The following SNRNP27 variants were observed in gnomAD, a reference collection of about 807,000 sequenced individuals.
The protein encoded by SNRNP27 is small nuclear ribonucleoprotein U4/U6.U5 subunit 27.
In SNRNP27, 22 loss-of-function variants were observed where a neutral mutation model predicts 25.1. The ratio of observed to expected loss-of-function variants is 0.88; its 90% CI spans 0.63 to 1.25. The LOEUF (loss-of-function observed/expected upper bound fraction) is 1.25. Ranked by LOEUF, SNRNP27 falls within the 50% of genes most tolerant of loss-of-function variation. The pLI is 0.00. For synonymous variants in SNRNP27, 66 were observed against 64.9 expected (o/e 1.02, Z -0.08); for missense variants, 150 against 202.3 (o/e 0.74, Z 1.57).
In SNRNP27 at chr2:69,897,467, CG is replaced by C; in HGVS notation, c.348+12del. 1 of 1,578,386 alleles carries C rather than the reference CG, an allele frequency of 6.3e-7. No individual in the cohort carries two copies. Among genetic ancestry groups the C allele is most frequent in the Non-Finnish European group, 8.7e-7 (1 of 1,148,248 alleles). On this transcript the variant is annotated intron_variant, in intron 4 of 5. Coordinates refer to ENST00000244227, the MANE Select transcript of SNRNP27 (RefSeq NM_006857.3). ...TTTGACTCCACAAAAGTAAGTAAAA[CG>C]TGCAACATTCTCATTTGAATTAATA...
chr2:69,900,978 A>G (rs1038182483), intron 4 of SNRNP27, among the ~76,000 whole-genome samples: 1 of 152,172 alleles, frequency 6.6e-6, no homozygotes, highest in Non-Finnish European at 1.5e-5. Flanking sequence ...GGTCAAGACC[A>G]TCCTGGCCAA....
At chr2:69,903,571 A>G (rs1573392112) in intron 5 of SNRNP27, among the ~76,000 whole-genome samples, 1 of 152,222 alleles carries the variant, frequency 6.6e-6, no homozygotes, top group East Asian at 1.9e-4. Flanking sequence ...AACTAGATTG[A>G]TTATGTAAGG....
chr2:69,896,025 T>C (rs1676594314), intron 2 of SNRNP27, among the ~76,000 whole-genome samples: 1 of 151,708 alleles, frequency 6.6e-6, no homozygotes, highest in African/African-American at 2.4e-5. Context: ...CAGGCTGGTC[T>C]TGAATTCCTA....
At chr2:69,894,944 C>T in intron 1 of SNRNP27, 150 bp from the exon 2 acceptor site, 1 of 1,100,340 alleles carries the variant, frequency 9.1e-7, no homozygotes, top group Non-Finnish European at 1.3e-6. Flanking sequence ...TCACAAAGTG[C>T]TGGGATTACA....
intron 3 of SNRNP27, 97 bp downstream of exon 3, chr2:69,896,645 A>T: frequency 1.7e-6 from 2 of 1,148,094 alleles, no homozygotes; most frequent in Non-Finnish European, 2.4e-6. Flanking sequence ...CTTTTATAGT[A>T]TTCATTGCAT....
intron 4 of SNRNP27, among the ~76,000 whole-genome samples, chr2:69,898,983 G>A (rs1676647965): frequency 6.6e-6 from 1 of 152,114 alleles, no homozygotes. Context: ...TTAGAAGAAT[G>A]GGGAGGGAAC....
chr2:69,904,384 T>G lies in SNRNP27; in HGVS notation c.*76T>G. ...GTGGATTTTGTATTTTGTATTTAAC[T>G]TGCATTCAAAAAACAGGATCTCAGT... On this transcript the variant is annotated 3_prime_UTR_variant, in exon 6 of 6. Transcript: ENST00000244227. 2 of 1,135,444 alleles carry G rather than the reference T, an allele frequency of 1.8e-6. No homozygotes were observed. The highest frequency in any genetic ancestry group is 2.5e-5 in the South Asian group (2 of 79,180). The allele number at this position is 1,135,444 out of a possible 1,614,324, so 70.3% of individuals were successfully genotyped here. A position where few individuals can be genotyped will look rare whatever the true frequency, so the allele number is the denominator to read the frequency against.
chr2:69,894,110 A>G (rs1010609338), intron 1 of SNRNP27, 92 bp downstream of exon 1: 36 of 1,214,930 alleles, frequency 3.0e-5, no homozygotes, highest in Middle Eastern at 2.6e-4. Context: ...GCCGCGTAGC[A>G]GAGAGGCGGG....
intron 2 of SNRNP27, among the ~76,000 whole-genome samples, 173 bp downstream of exon 2, chr2:69,895,387 A>G (rs536855580): frequency 3.5e-4 from 54 of 152,374 alleles, no homozygotes; most frequent in African/African-American, 1.3e-3. Flanking sequence ...AAATGGTGCT[A>G]ATAGTACTCT....
At chr2:69,903,094 T>G (rs1393892730) in intron 4 of SNRNP27, 87 bp from the exon 5 acceptor site, 3 of 1,044,424 alleles carry the variant, frequency 2.9e-6, no homozygotes, top group African/African-American at 1.6e-5. Flanking sequence ...TACAGGTACA[T>G]GCCACTGCCA....
In SNRNP27 at chr2:69,904,749, T is replaced by A. The variant is rs1676765237; in HGVS notation, c.*441T>A. 5.5e-6 allele frequency: 1 copy of A among 182,986 alleles called. No individual in the cohort carries two copies. The highest frequency in any genetic ancestry group is 1.1e-5 in the Non-Finnish European group (1 of 88,566). The allele number at this position is 182,986 out of a possible 1,614,324, so 11.3% of individuals were successfully genotyped here. ...TTTTTCACACATAGATTTAAGTATC[T>A]TGATTGTTAGTAGTCTAAAAATGGG... On this transcript the variant is annotated 3_prime_UTR_variant, in exon 6 of 6. Coordinates refer to ENST00000244227, the MANE Select transcript of SNRNP27 (RefSeq NM_006857.3).
intron 3 of SNRNP27, 101 bp from the exon 4 acceptor site, chr2:69,897,276 G>A (rs1558561231): frequency 1.3e-6 from 1 of 748,836 alleles, no homozygotes; most frequent in Non-Finnish European, 2.3e-6. Flanking sequence ...TGTGTTCTCT[G>A]CTAGTGAGGT....
chr2:69,895,924 A>G (rs1676591827), intron 2 of SNRNP27, among the ~76,000 whole-genome samples: 1 of 150,964 alleles, frequency 6.6e-6, no homozygotes. Flanking sequence ...TCAAGAATGG[A>G]TGATCTTGGA....
intron 4 of SNRNP27, among the ~76,000 whole-genome samples, chr2:69,901,852 T>G (rs1463988509): frequency 6.6e-6 from 1 of 152,108 alleles, no homozygotes; most frequent in African/African-American, 2.4e-5. Context: ...AACAAAAAAT[T>G]GCAAGGGTTG....
chr2:69,899,730 T>C (rs1676661753), intron 4 of SNRNP27, among the ~76,000 whole-genome samples: 1 of 152,014 alleles, frequency 6.6e-6, no homozygotes, highest in African/African-American at 2.4e-5. Flanking sequence ...GCGCCCGGCC[T>C]CATTTTTTAG....
rs201307187 is a variant in SNRNP27 at position 69,894,066 on chromosome 2, G to C, written c.34+48G>C. The C allele has an allele frequency of 3.4e-5, 52 of 1,516,172 alleles. No individual in the cohort carries two copies. The African/African-American group carries it at 5.4e-4, about 16-fold the overall frequency. The allele number at this position is 1,516,172 out of a possible 1,614,324, so 93.9% of individuals were successfully genotyped here. A position where few individuals can be genotyped will look rare whatever the true frequency, so the allele number is the denominator to read the frequency against. ...GGATATGGGGCTCTGTTGGAGGCCT[G>C]TCCCTTTTGTTTTATTTTGTTTTGT... On this transcript the variant is annotated intron_variant, in intron 1 of 5. Transcript: ENST00000244227.
chr2:69,899,568 TAC>T (rs779788748), intron 4 of SNRNP27, among the ~76,000 whole-genome samples: 2 of 152,140 alleles, frequency 1.3e-5, no homozygotes, highest in Non-Finnish European at 2.9e-5. Context: ...TTGCTGGGAT[TAC>T]AGGCGCCTGC....
intron 2 of SNRNP27, 101 bp from the exon 3 acceptor site, chr2:69,896,335 T>C (rs1676598486): frequency 4.5e-6 from 5 of 1,100,072 alleles, no homozygotes; most frequent in Admixed American, 2.2e-5. Flanking sequence ...CTATACGGAA[T>C]GACTCGTGGT....
At chr2:69,895,024 C>G (rs759544111) in intron 1 of SNRNP27, 70 bp from the exon 2 acceptor site, 6 of 1,584,698 alleles carry the variant, frequency 3.8e-6, no homozygotes, top group Non-Finnish European at 5.1e-6. Flanking sequence ...CATTATTTTT[C>G]TACTGGACGG....
Sources: gnomAD v4.1 joint callset for allele counts (sites outside exome capture counted in the v4.1 genomes callset) on GRCh38, gnomAD v4.1.1 for gene constraint, MANE v1.5 for transcripts, NCBI Gene and HGNC (gene_info 2026-07-23, HGNC 2026-07-21) for gene names.